Variants in RFX3 observed in about 807,000 individuals in gnomAD.
RFX3 encodes regulatory factor X3.
Under a neutral mutation model 98.6 loss-of-function variants are expected in RFX3, and 14 were observed. The ratio of observed to expected loss-of-function variants is 0.14; its 90% CI spans 0.09 to 0.22. RFX3 has a LOEUF of 0.22. Among genes scored for constraint, RFX3 ranks in the 10% least tolerant of loss-of-function variants. The pLI is 1.00. For synonymous variants in RFX3, 383 were observed against 328.4 expected (o/e 1.17, Z -1.80); for missense variants, 639 against 926.9 (o/e 0.69, Z 4.03).
chr9:3,462,010 C>T (rs1190887536), intron 1 of RFX3, among the ~76,000 whole-genome samples: 3 of 151,708 alleles, frequency 2.0e-5, no homozygotes, highest in Non-Finnish European at 4.4e-5. Flanking sequence ...TTGTGTTTTC[C>T]GATTCATAAT....
intron 4 of RFX3, chr9:3,324,042 C>G (rs1225268722): frequency 2.2e-6 from 1 of 454,902 alleles, no homozygotes; most frequent in South Asian, 1.6e-5. Context: ...GTGTAGGAAA[C>G]AGACGGTTCA....
chr9:3,462,729 T>C (rs2133079904), intron 1 of RFX3, among the ~76,000 whole-genome samples: 1 of 152,212 alleles, frequency 6.6e-6, no homozygotes. Flanking sequence ...AGAAAAAGTG[T>C]ACCATACTTC....
intron 1 of RFX3, chr9:3,469,308 A>G: frequency 2.0e-5 from 6 of 301,218 alleles, no homozygotes; most frequent in South Asian, 1.8e-4. Context: ...TTACCTACCA[A>G]TCTTCTATTT....
rs142022580 is a variant in RFX3, at chr9:3,463,658, G to C, written c.-9+62089C>G. Among the ~76,000 whole-genome samples the C allele has an allele frequency of 5.1e-3, 783 of 152,134 alleles. 11 individuals carry two copies. Among genetic ancestry groups the C allele is most frequent in the Admixed American group, 7.9e-3 (120 of 15,268 alleles). ...TATATATACAGAACTCAATAAGAAG[G>C]AAACAAAGAACTGTTTTTTTTAAAA... On this transcript the variant is annotated intron_variant, in intron 1 of 16. Coordinates refer to ENST00000617270, the MANE Select transcript of RFX3 (RefSeq NM_001282116.2).
rs531754925 is a variant in RFX3 at position 3,277,021 on chromosome 9, G to C, written c.973+319C>G. 7.9e-5 allele frequency among the ~76,000 whole-genome samples: 12 copies of C among 152,042 alleles called. 2 individuals carry two copies. In the South Asian group the frequency reaches 2.3e-3, roughly 29 times the overall value. ...GAAATGAGAATTCTTTTTGGCACTT[G>C]AAGTTACTACTGAAAGTAAACAGCA... is the stretch of plus-strand genomic sequence containing the variant. On this transcript the variant is annotated intron_variant, in intron 8 of 16. Coordinates refer to ENST00000617270, the MANE Select transcript of RFX3 (RefSeq NM_001282116.2).
intron 1 of RFX3, among the ~76,000 whole-genome samples, chr9:3,502,661 AAATTT>A (rs1347636207): frequency 3.3e-5 from 5 of 152,198 alleles, no homozygotes; most frequent in African/African-American, 1.2e-4. Context: ...TCAAAATATT[AAATTT>A]AACACTTGTT....
chr9:3,450,529 T>A (rs1413924856), intron 1 of RFX3, among the ~76,000 whole-genome samples: 1 of 152,204 alleles, frequency 6.6e-6, no homozygotes, highest in Non-Finnish European at 1.5e-5. Context: ...AAATCTTAGA[T>A]GTCTGAAGGT....
intron 15 of RFX3, among the ~76,000 whole-genome samples, chr9:3,233,978 T>C (rs938263941): frequency 1.3e-5 from 2 of 152,204 alleles, no homozygotes; most frequent in African/African-American, 4.8e-5. Flanking sequence ...TACCAAAAGC[T>C]GCATAGAAAA....
At chr9:3,428,983 T>C (rs535956608) in intron 1 of RFX3, among the ~76,000 whole-genome samples, 2 of 151,958 alleles carry the variant, frequency 1.3e-5, no homozygotes, top group African/African-American at 4.8e-5. Context: ...CCCAAAAACG[T>C]TTTAATTTCT....
chr9:3,324,374 T>C (rs373491655), intron 4 of RFX3, among the ~76,000 whole-genome samples: 27 of 152,238 alleles, frequency 1.8e-4, no homozygotes, highest in African/African-American at 6.5e-4. Flanking sequence ...ACTATATTGC[T>C]TTTCTGTCTC....
chr9:3,242,103 T>C (rs1189181384), intron 15 of RFX3, among the ~76,000 whole-genome samples: 2 of 152,182 alleles, frequency 1.3e-5, no homozygotes, highest in East Asian at 3.9e-4. Context: ...ATTTGACTAT[T>C]TGAAGTGAGG....
At chr9:3,239,900 G>A (rs1434267692) in intron 15 of RFX3, among the ~76,000 whole-genome samples, 1 of 152,174 alleles carries the variant, frequency 6.6e-6, no homozygotes, top group African/African-American at 2.4e-5. Context: ...GTGGCTCTGA[G>A]TTCCCTTCCA....
At chr9:3,416,081 T>C (rs1397514661) in intron 1 of RFX3, among the ~76,000 whole-genome samples, 2 of 152,234 alleles carry the variant, frequency 1.3e-5, no homozygotes, top group Non-Finnish European at 2.9e-5. Flanking sequence ...ACTGTGTAAG[T>C]AAAATAAGAG....
intron 2 of RFX3, among the ~76,000 whole-genome samples, chr9:3,356,155 TGGAAGGAAGGAAGGAAGGAA>T (rs71495494): frequency 3.2e-5 from 4 of 125,666 alleles, no homozygotes; most frequent in East Asian, 2.2e-4. Flanking sequence ...CTAGAATAAG[TGGAAGGAAGGAAGGAAGGAA>T]GGAAGGAAGG....
At chr9:3,439,667 G>GA (rs542415577) in intron 1 of RFX3, among the ~76,000 whole-genome samples, 156 of 151,946 alleles carry the variant, frequency 1.0e-3, no homozygotes, top group Admixed American at 4.5e-3. Flanking sequence ...TTCCCACAAG[G>GA]AAAACTCCGG....
chr9:3,219,221 T>C lies in RFX3; in HGVS notation c.*5821A>G, dbSNP rs898341079. ...TTCTTTATTGGGTCATTTAAAATTG[T>C]TGTTTAGCAAGTTAAAACAAGGCGA... On this transcript the variant is annotated 3_prime_UTR_variant, in exon 17 of 17. Coordinates refer to ENST00000617270, the MANE Select transcript of RFX3 (RefSeq NM_001282116.2). 1.2e-4 allele frequency: 19 copies of C among 152,172 alleles called. No homozygotes were observed. Among genetic ancestry groups the C allele is most frequent in the African/African-American group, 4.6e-4 (19 of 41,448 alleles). The allele number at this position is 152,172 out of a possible 1,614,324, so 9.4% of individuals were successfully genotyped here.
At position 3,266,472 on chromosome 9, in the gene RFX3, T is replaced by C. The variant is rs766689120; in HGVS notation, c.1358-167A>G. Among the ~76,000 whole-genome samples, 10 of 152,104 alleles carry C rather than the reference T, an allele frequency of 6.6e-5. 1 individual carries two copies. In the East Asian group the frequency reaches 1.9e-3, roughly 29 times the overall value. On this transcript the variant is annotated intron_variant, in intron 11 of 16. Transcript: ENST00000617270. The stretch of plus-strand genomic sequence containing the variant: ...ACATTATTCCTAACTTTTTAAAGCA[T>C]CCAAGAATTATATTTTGGGCTTTTT...
intron 15 of RFX3, among the ~76,000 whole-genome samples, chr9:3,229,937 C>T (rs1818265009): frequency 6.6e-6 from 1 of 152,102 alleles, no homozygotes; most frequent in Non-Finnish European, 1.5e-5. Context: ...CTGTTCTTCA[C>T]AGTAGCTACC....
intron 2 of RFX3, among the ~76,000 whole-genome samples, chr9:3,392,477 A>C (rs993213150): frequency 6.6e-6 from 1 of 151,932 alleles, no homozygotes; most frequent in Non-Finnish European, 1.5e-5. Flanking sequence ...AAATAATATA[A>C]GGCCTGAACA....
Sources: allele counts gnomAD v4.1 joint callset (sites outside exome capture counted in the v4.1 genomes callset), GRCh38; gene constraint gnomAD v4.1.1; transcripts MANE v1.5; gene names NCBI Gene and HGNC (gene_info 2026-07-23, HGNC 2026-07-21).